ERC2: variants seen among roughly 807,000 people sequenced by gnomAD.
The protein encoded by ERC2 is ELKS/RAB6-interacting/CAST family member 2, also known as ERC protein 2.
ERC2 carries 42 observed loss-of-function variants against 114.8 expected under a neutral mutation model. The observed-to-expected ratio is 0.37, with a 90% confidence interval of 0.29 to 0.47. The LOEUF is 0.47. Ranked by LOEUF, ERC2 falls within the 20% of genes least tolerant of loss-of-function variation. ERC2 has a pLI of 0.99. For missense variants in ERC2, 939 were observed against 1,150.7 expected, an observed-to-expected ratio of 0.82 and a Z score of 2.66; for synonymous variants, 454 against 425.5, an observed-to-expected ratio of 1.07 and a Z score of -0.82.
At chr3:55,904,406 T>C (rs917757731) in intron 13 of ERC2, among the ~76,000 whole-genome samples, 15 of 152,182 alleles carry the variant, frequency 9.9e-5, no homozygotes, top group African/African-American at 3.6e-4. Flanking sequence ...AAATATAATA[T>C]TCGCTGATGT....
chr3:55,513,910 C>T (rs1041009500), intron 17 of ERC2, among the ~76,000 whole-genome samples: 9 of 152,092 alleles, frequency 5.9e-5, no homozygotes, highest in African/African-American at 2.4e-5. Context: ...GCTGGGATTA[C>T]AGGAATGAGC....
rs1455596885 is a variant in ERC2, at chr3:55,808,742, T to TATATATATATATATAAAA, written c.2565-73825_2565-73824insTTTTATATATATATATAT. Among the ~76,000 whole-genome samples, 5 of 100,390 alleles carry TATATATATATATATAAAA rather than the reference T, an allele frequency of 5.0e-5. 1 individual carries two copies. The highest frequency in any genetic ancestry group is 2.2e-4 in the African/African-American group (5 of 22,850). 65.9% of individuals were successfully genotyped at this position (100,390 alleles called of 152,430 possible). ...ATATATATATATATATATATATATA[T>TATATATATATATATAAAA]AACGTATAACTAAACATATATATAT... On this transcript the variant is annotated intron_variant, in intron 14 of 17. Transcript: ENST00000288221.
At chr3:55,589,400 G>A (rs1212552529) in intron 17 of ERC2, among the ~76,000 whole-genome samples, 3 of 152,260 alleles carry the variant, frequency 2.0e-5, no homozygotes, top group South Asian at 4.1e-4. Context: ...TTCAAGACAC[G>A]TGACGGTCAT....
intron 7 of ERC2, among the ~76,000 whole-genome samples, chr3:56,019,775 T>C (rs937214792): frequency 6.6e-5 from 10 of 152,182 alleles, no homozygotes; most frequent in Non-Finnish European, 1.3e-4. Flanking sequence ...CTCCTGGGCA[T>C]TGAGGACATT....
intron 17 of ERC2, among the ~76,000 whole-genome samples, chr3:55,549,569 C>A (rs936368955): frequency 1.4e-5 from 2 of 147,742 alleles, no homozygotes; most frequent in African/African-American, 5.0e-5. Flanking sequence ...CACAGCTGCT[C>A]TGCAAGGCTG....
chr3:56,051,647 G>A, intron 7 of ERC2, among the ~76,000 whole-genome samples: 1 of 152,088 alleles, frequency 6.6e-6, no homozygotes, highest in African/African-American at 2.4e-5. Flanking sequence ...ACACTGGGCA[G>A]CTACCCCATC....
intron 7 of ERC2, among the ~76,000 whole-genome samples, chr3:56,042,149 A>G (rs949840337): frequency 6.6e-6 from 1 of 152,170 alleles, no homozygotes; most frequent in Non-Finnish European, 1.5e-5. Flanking sequence ...ACCTGCACAT[A>G]TAGTTATACA....
At chr3:55,666,006 G>C (rs934119450) in intron 17 of ERC2, among the ~76,000 whole-genome samples, 3 of 152,156 alleles carry the variant, frequency 2.0e-5, no homozygotes, top group African/African-American at 7.2e-5. Context: ...AGCCTCAGGT[G>C]GGGTGGCCAG....
At chr3:56,369,093 C>A (rs1042545322) in intron 2 of ERC2, among the ~76,000 whole-genome samples, 1 of 152,172 alleles carries the variant, frequency 6.6e-6, no homozygotes, top group Non-Finnish European at 1.5e-5. Context: ...GGGCCAAGAA[C>A]CCTGTCTAAT....
intron 2 of ERC2, among the ~76,000 whole-genome samples, chr3:56,383,911 T>C (rs1254330732): frequency 6.6e-6 from 1 of 152,188 alleles, no homozygotes; most frequent in Non-Finnish European, 1.5e-5. Context: ...CTCTATGAAT[T>C]TGACTACTCT....
intron 3 of ERC2, among the ~76,000 whole-genome samples, chr3:56,223,190 G>T (rs1447005585): frequency 1.3e-5 from 2 of 152,148 alleles, no homozygotes; most frequent in African/African-American, 4.8e-5. Context: ...ATTTTTCAAA[G>T]GAATCTTTGT....
chr3:55,522,773 A>T (rs58236701), intron 17 of ERC2, among the ~76,000 whole-genome samples: 32,177 of 152,088 alleles, frequency 0.21, 3,925 homozygotes, highest in Middle Eastern at 0.33. Flanking sequence ...AACTCTGTAA[A>T]TGTCTCCACG....
At chr3:56,171,316 C>T (rs1442437841) in intron 4 of ERC2, among the ~76,000 whole-genome samples, 1 of 152,176 alleles carries the variant, frequency 6.6e-6, no homozygotes, top group African/African-American at 2.4e-5. Flanking sequence ...GATGACCCTC[C>T]ACCAGCTGCC....
intron 17 of ERC2, among the ~76,000 whole-genome samples, chr3:55,652,543 T>C (rs2060670877): frequency 6.6e-6 from 1 of 152,078 alleles, no homozygotes; most frequent in Non-Finnish European, 1.5e-5. Flanking sequence ...AAGGGCTTCA[T>C]ATGCATTCTC....
chr3:56,332,262 G>C (rs2316862), intron 2 of ERC2, among the ~76,000 whole-genome samples: 33,312 of 152,110 alleles, frequency 0.22, 4,301 homozygotes, highest in Non-Finnish European at 0.28. Flanking sequence ...TGCTTAGGGA[G>C]GCATTAGGAG....
rs1472872406 is a variant in ERC2, at chr3:55,992,246, T to G, written c.2066A>C (p.His689Pro). 1.2e-6 allele frequency: 2 copies of G among 1,612,920 alleles called. No homozygotes were observed. The highest frequency in any genetic ancestry group is 8.5e-7 in the Non-Finnish European group (1 of 1,179,330). Residue 689 changes from histidine to proline, a missense_variant, in exon 11 of 18, where the codon CAT (histidine) becomes CCT (proline). Around this residue, in one of 5 missense-constraint regions of ERC2, gnomAD observed 328 missense variants for 353.9 expected, o/e 0.93. Transcript: ENST00000288221. ...SKLEAQLKKA[H>P]NIEDDSRMNP... ...CATCCTGGAGTCATCTTCAATATTA[T>G]GTGCCTTCAACATTACATTTTTAAA... is the stretch of plus-strand genomic sequence containing the variant.
intron 14 of ERC2, among the ~76,000 whole-genome samples, chr3:55,863,881 G>A (rs997996674): frequency 3.3e-5 from 5 of 151,276 alleles, no homozygotes; most frequent in African/African-American, 1.2e-4. Context: ...TGTACTAGCC[G>A]TATCTCAAAA....
chr3:55,850,229 A>T (rs776542680), intron 14 of ERC2, among the ~76,000 whole-genome samples: 4 of 152,262 alleles, frequency 2.6e-5, no homozygotes, highest in Middle Eastern at 3.4e-3. Flanking sequence ...CAAATATAGG[A>T]TGTTCTCATC....
chr3:55,954,577 A>G (rs566980538), intron 12 of ERC2, among the ~76,000 whole-genome samples: 2 of 152,324 alleles, frequency 1.3e-5, no homozygotes, highest in East Asian at 3.9e-4. Flanking sequence ...AAACAAGGAG[A>G]AAATCAAAAC....
Sources: allele counts gnomAD v4.1 joint callset (sites outside exome capture counted in the v4.1 genomes callset), GRCh38; gene constraint gnomAD v4.1.1; regional missense constraint gnomAD v4.1.1; transcripts MANE v1.5; gene names NCBI Gene and HGNC (gene_info 2026-07-23, HGNC 2026-07-21).